Variants in SCRN3 observed in about 807,000 individuals in gnomAD.
The protein encoded by SCRN3 is secernin-3.
Under a neutral mutation model 43.1 loss-of-function variants are expected in SCRN3, and 39 were observed. The observed-to-expected ratio is 0.91, with a 90% confidence interval of 0.70 to 1.18. The LOEUF (loss-of-function observed/expected upper bound fraction) is 1.18. Among genes scored for constraint, SCRN3 ranks in the 50% most tolerant of loss-of-function variants. The pLI is 0.00. For synonymous variants in SCRN3, 147 were observed against 163.1 expected (o/e 0.90, Z 0.75); for missense variants, 484 against 498.0 (o/e 0.97, Z 0.27).
At chr2:174,400,608 T>C (rs1685475867) in intron 3 of SCRN3, among the ~76,000 whole-genome samples, 2 of 152,150 alleles carry the variant, frequency 1.3e-5, no homozygotes, top group South Asian at 4.1e-4. Flanking sequence ...TCAGATATTA[T>C]TATTTGGGAG....
Position 174,404,117 on chromosome 2 carries a change from A to G in SCRN3, c.556A>G (p.Ile186Val), listed in dbSNP as rs377210251. Residue 186 changes from isoleucine to valine, a missense_variant, in exon 5 of 8, where the codon ATT becomes GTT. Ile to Val is a conservative substitution (Grantham distance 29). Coordinates refer to ENST00000272732, the MANE Select transcript of SCRN3 (RefSeq NM_024583.5). The stretch of plus-strand genomic sequence containing the variant: ...TTTGAAAATAGAGGGAGTTCGTAAT[A>G]TTTCTAATCAACTTTCCATAACAAC... Reference protein sequence around the residue: ...AEKVQEGVRNISNQLSITTKI... With the variant: ...AEKVQEGVRNVSNQLSITTKI... The G allele has an allele frequency of 1.2e-6, 2 of 1,613,132 alleles. No homozygotes were observed. The highest frequency in any genetic ancestry group is 2.7e-5 in the African/African-American group (2 of 74,858).
chr2:174,415,077 C>G (rs1470849049), intron 5 of SCRN3, among the ~76,000 whole-genome samples: 2 of 152,050 alleles, frequency 1.3e-5, no homozygotes, highest in East Asian at 3.9e-4. Context: ...GCCACCGCAC[C>G]CAGCCCCATG....
intron 5 of SCRN3, among the ~76,000 whole-genome samples, chr2:174,415,072 C>T (rs985200274): frequency 6.6e-5 from 10 of 152,068 alleles, no homozygotes; most frequent in East Asian, 1.9e-4. Context: ...GCCAAGCCAC[C>T]GCACCCAGCC....
chr2:174,409,491 G>C (rs1197662224), intron 5 of SCRN3, among the ~76,000 whole-genome samples: 1 of 147,586 alleles, frequency 6.8e-6, no homozygotes, highest in Non-Finnish European at 1.5e-5. Context: ...GCTTTGTTCT[G>C]TTGCTGGTGA....
chr2:174,427,183 G>C (rs1686515837), intron 7 of SCRN3, among the ~76,000 whole-genome samples: 1 of 152,078 alleles, frequency 6.6e-6, no homozygotes, highest in African/African-American at 2.4e-5. Flanking sequence ...ACTGATCATG[G>C]TGATTCATCA....
intron 6 of SCRN3, among the ~76,000 whole-genome samples, chr2:174,423,970 G>T (rs1160460): frequency 0.42 from 63,499 of 150,938 alleles, 15,400 homozygotes; most frequent in Middle Eastern, 0.62. Flanking sequence ...TAATTTTTTT[G>T]TGGAGATGGG....
At chr2:174,403,410 T>C (rs1016586368) in intron 4 of SCRN3, among the ~76,000 whole-genome samples, 11 of 152,140 alleles carry the variant, frequency 7.2e-5, no homozygotes, top group Admixed American at 2.0e-4. Context: ...CAAGAACCTG[T>C]ACGCAAGTAT....
rs999217558 is a variant in SCRN3 at position 174,397,169 on chromosome 2, T to C, written c.-9-1106T>C. 4.1e-6 allele frequency: 4 copies of C among 978,378 alleles called. No individual in the cohort carries two copies. The South Asian group carries it at 1.9e-4, about 46-fold the overall frequency. 60.6% of individuals were successfully genotyped at this position (978,378 alleles called of 1,614,324 possible). ...AGAGGAAAACCCTTAAGAGTTTCAGTCTGAAGTTTTTATTTAGTCATTTTC... is the reference window on the plus strand; with the variant it reads ...AGAGGAAAACCCTTAAGAGTTTCAGCCTGAAGTTTTTATTTAGTCATTTTC... On this transcript the variant is annotated intron_variant, in intron 1 of 7. Transcript: ENST00000272732.
chr2:174,419,376 T>G (rs1166703487), intron 5 of SCRN3, among the ~76,000 whole-genome samples: 2 of 152,186 alleles, frequency 1.3e-5, no homozygotes, highest in East Asian at 1.9e-4. Context: ...GCAGAAACTA[T>G]GTTTTGTGAT....
At chr2:174,414,628 AGATT>A (rs1310347281) in intron 5 of SCRN3, among the ~76,000 whole-genome samples, 2 of 152,164 alleles carry the variant, frequency 1.3e-5, no homozygotes, top group African/African-American at 2.4e-5. Context: ...TGTATAATAA[AGATT>A]GATTGTATGA....
At chr2:174,419,466 A>G (rs962307438) in intron 5 of SCRN3, among the ~76,000 whole-genome samples, 1 of 152,140 alleles carries the variant, frequency 6.6e-6, no homozygotes, top group South Asian at 2.1e-4. Flanking sequence ...TGTAACCTCA[A>G]TCTCCTGGGC....
chr2:174,401,292 G>A (rs2105564328), intron 4 of SCRN3, 103 bp downstream of exon 4: 1 of 878,876 alleles, frequency 1.1e-6, no homozygotes. Context: ...ATAATCTAGT[G>A]TAATGAAGGG....
chr2:174,401,053 A>C lies in SCRN3; in HGVS notation c.405A>C (p.Glu135Asp). The C allele has an allele frequency of 6.2e-7, 1 of 1,613,864 alleles. No homozygotes were observed. The highest frequency in any genetic ancestry group is 8.5e-7 in the Non-Finnish European group (1 of 1,179,882). ...TCAATGTCATTGTTGACTTACTAGA[A>C]AAATATGGCCAGGGTGGAAATTGCA... ...KALNVIVDLL[E>D]KYGQGGNCTE... The change falls in exon 4 of 8, where the codon GAA becomes GAC. Residue 135 changes from glutamate (E) to aspartate (D), a missense_variant. Glu to Asp is a conservative substitution (Grantham distance 45). Transcript: ENST00000272732.
chr2:174,427,785 C>T lies in SCRN3; in HGVS notation c.1165C>T (p.Leu389Phe), dbSNP rs541343787. Residue 389 changes from leucine (L) to phenylalanine (F), a missense_variant, in exon 8 of 8, where the codon CTT becomes TTT. Transcript: ENST00000272732. The part of the protein sequence containing the change: ...KELFREMESI[L>F]QNKHLDVEKI... ...ACTATTCAGAGAGATGGAATCAATC[C>T]TTCAAAACAAGCATCTTGATGTGGA... 12 of 1,611,928 alleles carry T rather than the reference C, an allele frequency of 7.4e-6. No homozygotes were observed. In the African/African-American group the frequency reaches 1.6e-4, roughly 21 times the overall value.
rs754500073 is a variant in SCRN3, at chr2:174,398,234, A to T, written c.-9-41A>T. ...AAAACTCTTTATTTTTATATACTTA[A>T]AAGTGTTCTTTTTATTTTAAAACAT... On this transcript the variant is annotated intron_variant, in intron 1 of 7. Transcript: ENST00000272732. 5.6e-5 allele frequency: 72 copies of T among 1,275,688 alleles called. 1 individual carries two copies. The Admixed American group carries it at 1.7e-3, about 31-fold the overall frequency. The allele number at this position is 1,275,688 out of a possible 1,614,324, so 79.0% of individuals were successfully genotyped here.
intron 4 of SCRN3, among the ~76,000 whole-genome samples, chr2:174,401,428 CT>C (rs1559071566): frequency 6.6e-6 from 1 of 152,140 alleles, no homozygotes; most frequent in Non-Finnish European, 1.5e-5. Flanking sequence ...CCTGTATATA[CT>C]TTCTTTGCTG....
rs147434996 is a variant in SCRN3 at position 174,397,162 on chromosome 2, G to A, written c.-9-1113G>A. 1.2e-4 allele frequency: 113 copies of A among 977,806 alleles called. No homozygotes were observed. In the African/African-American group the frequency reaches 1.9e-3, roughly 17 times the overall value. The allele number at this position is 977,806 out of a possible 1,614,324, so 60.6% of individuals were successfully genotyped here. ...GAGGAGAAGAGGAAAACCCTTAAGA[G>A]TTTCAGTCTGAAGTTTTTATTTAGT... On this transcript the variant is annotated intron_variant, in intron 1 of 7. Transcript: ENST00000272732.
At chr2:174,399,417 G>A (rs761851059) in intron 2 of SCRN3, among the ~76,000 whole-genome samples, 1 of 152,092 alleles carries the variant, frequency 6.6e-6, no homozygotes, top group Non-Finnish European at 1.5e-5. Flanking sequence ...GTATTCGAAG[G>A]CTACCATGTG....
chr2:174,412,657 ACCTGGAAGGGGGATC>A (rs971324594), intron 5 of SCRN3, among the ~76,000 whole-genome samples: 2 of 152,108 alleles, frequency 1.3e-5, no homozygotes, highest in African/African-American at 4.8e-5. Context: ...TAGCTAGAGG[ACCTGGAAGGGGGATC>A]CCTGGAAGCC....
Sources: gnomAD v4.1 joint callset for allele counts (sites outside exome capture counted in the v4.1 genomes callset) on GRCh38, gnomAD v4.1.1 for gene constraint, MANE v1.5 for transcripts, NCBI Gene and HGNC (gene_info 2026-07-23, HGNC 2026-07-21) for gene names.